The following NRG1 variants were observed in gnomAD, a reference collection of about 807,000 sequenced individuals.
The protein encoded by NRG1 is pro-neuregulin-1, membrane-bound isoform.
In NRG1, 18 loss-of-function variants were observed where a neutral mutation model predicts 63.8. The observed-to-expected ratio is 0.28, with a 90% CI of 0.19 to 0.42. The LOEUF is 0.42. NRG1 is among the 10% of genes least tolerant of loss of function. The pLI is 1.00. For missense variants in NRG1, 762 were observed against 814.7 expected (o/e 0.94, Z 0.79); for synonymous variants, 302 against 301.3 (o/e 1.00, Z -0.02).
chr8:31,974,543 C>G (rs1334210729), intron 1 of NRG1, among the ~76,000 whole-genome samples: 1 of 152,110 alleles, frequency 6.6e-6, no homozygotes, highest in Non-Finnish European at 1.5e-5. Context: ...AGTACCCTGA[C>G]TGTCAGTCTA....
intron 1 of NRG1, among the ~76,000 whole-genome samples, chr8:32,120,183 G>A (rs1206438673): frequency 1.3e-5 from 2 of 151,974 alleles, no homozygotes; most frequent in East Asian, 1.9e-4. Context: ...AAACACACAT[G>A]CCTTAGTATT....
intron 1 of NRG1, among the ~76,000 whole-genome samples, chr8:31,938,983 G>A (rs768227492): frequency 2.6e-4 from 40 of 152,186 alleles, no homozygotes; most frequent in Admixed American, 6.5e-4. Flanking sequence ...AGTTTGGAAA[G>A]CATATTTGAG....
chr8:32,555,474 T>C (rs903885274), intron 1 of NRG1, among the ~76,000 whole-genome samples: 1 of 152,194 alleles, frequency 6.6e-6, no homozygotes, highest in Admixed American at 6.5e-5. Flanking sequence ...GCTGATTTTA[T>C]TTATGTACTT....
Position 32,265,429 on chromosome 8 carries a change from T to A in NRG1, c.38-330399T>A, listed in dbSNP as rs1305954976. 2.0e-5 allele frequency among the ~76,000 whole-genome samples: 3 copies of A among 152,170 alleles called. No homozygotes were observed. In the East Asian group the frequency reaches 5.8e-4, roughly 29 times the overall value. On this transcript the variant is annotated intron_variant, in intron 1 of 10. Coordinates refer to the NRG1 transcript ENST00000519301. Reference sequence around the variant, plus strand: ...TCATAGCTATATTTCATAACTCCAGTGACCTTTTTAAATAAAAAGTAAGGT... The same window carrying A: ...TCATAGCTATATTTCATAACTCCAGAGACCTTTTTAAATAAAAAGTAAGGT...
At chr8:32,630,115 A>G (rs1588838477) in intron 5 of NRG1, among the ~76,000 whole-genome samples, 1 of 152,154 alleles carries the variant, frequency 6.6e-6, no homozygotes, top group Non-Finnish European at 1.5e-5. Flanking sequence ...TCACCCACAG[A>G]TGGTAGAGGT....
intron 1 of NRG1, among the ~76,000 whole-genome samples, chr8:32,501,200 A>G (rs186712737): frequency 6.6e-6 from 1 of 152,332 alleles, no homozygotes; most frequent in East Asian, 1.9e-4. Context: ...AAAGTTCATT[A>G]TAAGTCAATT....
intron 1 of NRG1, among the ~76,000 whole-genome samples, chr8:32,007,761 T>C (rs915201401): frequency 5.9e-5 from 9 of 152,016 alleles, no homozygotes; most frequent in African/African-American, 2.2e-4. Flanking sequence ...GTGTTTTCAG[T>C]GTACTACCAG....
Position 32,634,499 on chromosome 8 carries a change from A to T in NRG1, c.502+17614A>T, listed in dbSNP as rs568888095. Among the ~76,000 whole-genome samples the T allele has an allele frequency of 4.6e-5, 7 of 152,310 alleles. No individual in the cohort carries two copies. In the East Asian group the frequency reaches 1.4e-3, roughly 29 times the overall value. On this transcript the variant is annotated intron_variant, in intron 5 of 11. Coordinates refer to ENST00000356819, the Ensembl canonical transcript of NRG1. ...ATCATTTAAATGGTTTGGTTTCGTC[A>T]TGGCCAGACTTAAGACACATAGCAT... is the stretch of plus-strand genomic sequence containing the variant.
chr8:32,542,992 AATT>A (rs1227983280), intron 1 of NRG1, among the ~76,000 whole-genome samples: 1 of 152,188 alleles, frequency 6.6e-6, no homozygotes, highest in African/African-American at 2.4e-5. Context: ...CACAGTAGGT[AATT>A]AGTCATTGAT....
chr8:32,693,154 G>C (rs1812263576), intron 5 of NRG1, among the ~76,000 whole-genome samples: 1 of 151,542 alleles, frequency 6.6e-6, no homozygotes, highest in Non-Finnish European at 1.5e-5. Context: ...TATGCAGAAA[G>C]ATTATTATTT....
chr8:32,192,911 A>AT (rs201178675), intron 1 of NRG1, among the ~76,000 whole-genome samples: 28 of 150,880 alleles, frequency 1.9e-4, no homozygotes, highest in African/African-American at 4.6e-4. Context: ...ACCTTACTCT[A>AT]TTTTTTTTTC....
At chr8:31,803,840 G>A (rs889653937) in intron 1 of NRG1, among the ~76,000 whole-genome samples, 1 of 152,072 alleles carries the variant, frequency 6.6e-6, no homozygotes, top group Non-Finnish European at 1.5e-5. Context: ...CTATGCTGCA[G>A]CCACTTTGGC....
chr8:31,890,327 C>A (rs530266091), intron 1 of NRG1, among the ~76,000 whole-genome samples: 4 of 151,866 alleles, frequency 2.6e-5, no homozygotes, highest in Admixed American at 2.6e-4. Flanking sequence ...TTTTCTGATA[C>A]GGAAAATGAA....
At chr8:31,805,716 C>T (rs1822202981) in intron 1 of NRG1, among the ~76,000 whole-genome samples, 1 of 150,810 alleles carries the variant, frequency 6.6e-6, no homozygotes, top group South Asian at 2.1e-4. Flanking sequence ...TAGTCCCAGC[C>T]ACTCGGGAGT....
At chr8:32,313,469 T>C (rs1857047111) in intron 1 of NRG1, among the ~76,000 whole-genome samples, 1 of 152,204 alleles carries the variant, frequency 6.6e-6, no homozygotes, top group Admixed American at 6.5e-5. Context: ...TCTTAATCTT[T>C]TGAAAAAAAT....
chr8:32,081,351 T>C (rs1329150430), intron 1 of NRG1, among the ~76,000 whole-genome samples: 2 of 152,156 alleles, frequency 1.3e-5, no homozygotes, highest in South Asian at 2.1e-4. Flanking sequence ...AATTTTTTTG[T>C]TTCCATTCCT....
intron 1 of NRG1, among the ~76,000 whole-genome samples, chr8:31,759,793 T>G (rs894746612): frequency 1.3e-5 from 2 of 152,092 alleles, no homozygotes; most frequent in Admixed American, 1.3e-4. Context: ...ATAGGTTAAT[T>G]TAGGGAGAAT....
chr8:32,216,205 A>T (rs112481113), intron 1 of NRG1, among the ~76,000 whole-genome samples: 8,306 of 150,208 alleles, frequency 0.055, 393 homozygotes, highest in East Asian at 0.26. Flanking sequence ...ATTATAACAT[A>T]TTATATATAA....
intron 1 of NRG1, among the ~76,000 whole-genome samples, chr8:32,435,426 G>C (rs1053061797): frequency 6.6e-6 from 1 of 152,180 alleles, no homozygotes; most frequent in Non-Finnish European, 1.5e-5. Context: ...GCTTTGTGTA[G>C]GGTAATTGTT....
Sources: allele counts gnomAD v4.1 joint callset (sites outside exome capture counted in the v4.1 genomes callset), GRCh38; gene constraint gnomAD v4.1.1; transcripts MANE v1.5; gene names NCBI Gene and HGNC (gene_info 2026-07-23, HGNC 2026-07-21).